The following CHN2 variants were observed in gnomAD, a reference collection of about 807,000 sequenced individuals.
CHN2 encodes chimerin 2, also known as beta-chimaerin.
Under a neutral mutation model 56.3 loss-of-function variants are expected in CHN2, and 35 were observed. The observed-to-expected ratio is 0.62, with a 90% CI of 0.47 to 0.82. The LOEUF is 0.82. Ranked by LOEUF, CHN2 falls within the 40% of genes least tolerant of loss-of-function variation. The pLI is 0.00. For missense variants in CHN2, 491 were observed against 580.5 expected (o/e 0.85, Z 1.58); for synonymous variants, 210 against 212.8 (o/e 0.99, Z 0.12).
intron 1 of CHN2, among the ~76,000 whole-genome samples, chr7:29,250,070 A>C (rs376221270): frequency 1.2e-4 from 18 of 152,236 alleles, no homozygotes; most frequent in East Asian, 9.6e-4. Flanking sequence ...GTTCATCTGC[A>C]ACTATGTTGT....
chr7:29,424,406 T>C (rs774887208), intron 6 of CHN2, among the ~76,000 whole-genome samples: 1 of 152,144 alleles, frequency 6.6e-6, no homozygotes, highest in African/African-American at 2.4e-5. Context: ...GTGATTTCAA[T>C]ATGAGGACCA....
chr7:29,202,054 A>G (rs1313207223), intron 1 of CHN2, among the ~76,000 whole-genome samples: 2 of 152,172 alleles, frequency 1.3e-5, no homozygotes, highest in Non-Finnish European at 2.9e-5. Flanking sequence ...CCTAATGGCA[A>G]CTCAATTTCT....
At chr7:29,445,447 A>C (rs1783965920) in intron 6 of CHN2, among the ~76,000 whole-genome samples, 1 of 152,186 alleles carries the variant, frequency 6.6e-6, no homozygotes, top group African/African-American at 2.4e-5. Context: ...GATTTGCATA[A>C]ATTATGCAAA....
At chr7:29,476,112 T>G (rs759395935) in intron 6 of CHN2, among the ~76,000 whole-genome samples, 2 of 152,234 alleles carry the variant, frequency 1.3e-5, no homozygotes, top group African/African-American at 2.4e-5. Context: ...TGTGCCTATA[T>G]TCTACCACTT....
chr7:29,400,819 G>A lies in CHN2; in HGVS notation c.567G>A (p.Ala189=), dbSNP rs149070963. Residue 189 remains alanine (A), a synonymous_variant, in exon 6 of 13, where the codon GCG becomes GCA. Coordinates refer to ENST00000222792, the MANE Select transcript of CHN2 (RefSeq NM_004067.4). The stretch of plus-strand genomic sequence containing the variant: ...ACGTCACACATGAAGAACACACAGC[G>A]GTGGAAAAGGTGAGCTGTGTGTGAT... ...KTNVTHEEHT[A]VEKISSLVRR... The A allele has an allele frequency of 1.9e-4, 313 of 1,613,066 alleles. No individual in the cohort carries two copies. The highest frequency in any genetic ancestry group is 9.5e-4 in the African/African-American group (71 of 74,794).
chr7:29,206,246 A>G (rs1784509011), intron 1 of CHN2, among the ~76,000 whole-genome samples: 1 of 152,104 alleles, frequency 6.6e-6, no homozygotes, highest in Non-Finnish European at 1.5e-5. Context: ...CCCTGTCACC[A>G]GTTCACATTA....
intron 2 of CHN2, among the ~76,000 whole-genome samples, chr7:29,172,588 T>C (rs554250926): frequency 6.6e-6 from 1 of 152,310 alleles, no homozygotes; most frequent in South Asian, 2.1e-4. Flanking sequence ...TCCAGATAAA[T>C]TGAATTTTTA....
chr7:29,293,791 A>G (rs1438438454), intron 1 of CHN2, among the ~76,000 whole-genome samples: 3 of 144,462 alleles, frequency 2.1e-5, no homozygotes, highest in East Asian at 2.0e-4. Flanking sequence ...CTCGCTCACT[A>G]TGTGTTTTAT....
At chr7:29,333,965 T>C (rs1202935807) in intron 1 of CHN2, among the ~76,000 whole-genome samples, 1 of 152,150 alleles carries the variant, frequency 6.6e-6, no homozygotes, top group African/African-American at 2.4e-5. Context: ...TACCTGGCTT[T>C]TGACAATCAA....
chr7:29,312,098 A>G (rs963792637), intron 1 of CHN2, among the ~76,000 whole-genome samples: 1 of 152,234 alleles, frequency 6.6e-6, no homozygotes, highest in African/African-American at 2.4e-5. Context: ...GAGCTCTGTA[A>G]CTGGTCACAT....
Position 29,281,293 on chromosome 7 carries a change from TA to T in CHN2, c.50-73330del, listed in dbSNP as rs59863277. 5.7e-3 allele frequency among the ~76,000 whole-genome samples: 862 copies of T among 152,290 alleles called. 3 individuals carry two copies. Among genetic ancestry groups the T allele is most frequent in the African/African-American group, 0.018 (749 of 41,550 alleles). On this transcript the variant is annotated intron_variant, in intron 1 of 12. Coordinates refer to ENST00000222792, the MANE Select transcript of CHN2 (RefSeq NM_004067.4). Reference sequence around the variant, plus strand: ...CCTCTTTTTTTTGTTGCAGAAATGATAACCTACTATTCACTATTCTGTGCCT... The same window carrying T: ...CCTCTTTTTTTTGTTGCAGAAATGATACCTACTATTCACTATTCTGTGCCT...
intron 1 of CHN2, among the ~76,000 whole-genome samples, chr7:29,300,753 A>C (rs572909416): frequency 3.0e-4 from 46 of 152,348 alleles, no homozygotes; most frequent in African/African-American, 1.1e-3. Flanking sequence ...ATATTTTCCA[A>C]AAGCCCCTTT....
chr7:29,326,703 G>C (rs1228717015), intron 1 of CHN2, among the ~76,000 whole-genome samples: 3 of 152,142 alleles, frequency 2.0e-5, no homozygotes, highest in African/African-American at 7.2e-5. Flanking sequence ...TAATATCATA[G>C]ATGACTCTGA....
At chr7:29,297,070 T>C (rs771431526) in intron 1 of CHN2, among the ~76,000 whole-genome samples, 5 of 152,232 alleles carry the variant, frequency 3.3e-5, no homozygotes, top group East Asian at 1.9e-4. Flanking sequence ...CCATGAAATA[T>C]TAGGCTCAAA....
At chr7:29,366,283 G>A (rs569647850) in intron 2 of CHN2, among the ~76,000 whole-genome samples, 3 of 152,214 alleles carry the variant, frequency 2.0e-5, no homozygotes, top group South Asian at 4.2e-4. Context: ...ATTCCCTAGG[G>A]AGAAGAAAGA....
intron 7 of CHN2, among the ~76,000 whole-genome samples, chr7:29,483,474 T>G (rs1787583018): frequency 6.6e-6 from 1 of 152,190 alleles, no homozygotes; most frequent in South Asian, 2.1e-4. Flanking sequence ...CAACACTGTG[T>G]GCTGATGCAA....
chr7:29,425,588 C>G (rs1804780751), intron 6 of CHN2, among the ~76,000 whole-genome samples: 1 of 152,176 alleles, frequency 6.6e-6, no homozygotes. Context: ...TCTTTAGCTT[C>G]TAGGAACTTT....
At position 29,286,224 on chromosome 7, in the gene CHN2, T is replaced by TC. The variant is rs397948356; in HGVS notation, c.50-68397dup. Reference sequence around the variant, plus strand: ...CATTCTCTCTCATCTTTTTTTTTTTTCCCCTTACTCAGATTCCCTTGGGAA... The same window carrying TC: ...CATTCTCTCTCATCTTTTTTTTTTTTCCCCCTTACTCAGATTCCCTTGGGAA... On this transcript the variant is annotated intron_variant, in intron 1 of 12. Transcript: ENST00000222792. 3.3e-5 allele frequency among the ~76,000 whole-genome samples: 5 copies of TC among 150,702 alleles called. No individual in the cohort carries two copies. The East Asian group carries it at 5.8e-4, about 18-fold the overall frequency.
chr7:29,164,583 C>T (rs1378265245), intron 2 of CHN2, among the ~76,000 whole-genome samples: 4 of 151,854 alleles, frequency 2.6e-5, no homozygotes, highest in Admixed American at 2.6e-4. Flanking sequence ...TCAGAAGAGA[C>T]CAGCCTGAGC....
Sources: gnomAD v4.1 joint callset for allele counts (sites outside exome capture counted in the v4.1 genomes callset) on GRCh38, gnomAD v4.1.1 for gene constraint, MANE v1.5 for transcripts, NCBI Gene and HGNC (gene_info 2026-07-23, HGNC 2026-07-21) for gene names.